Variants in IPO11 observed in about 807,000 individuals in gnomAD.
The protein encoded by IPO11 is importin-11.
In IPO11, 66 loss-of-function variants were observed where a neutral mutation model predicts 143.2. That is an observed-to-expected ratio of 0.46 (90% CI 0.38 to 0.57). The LOEUF (loss-of-function observed/expected upper bound fraction) is 0.57. Among genes scored for constraint, IPO11 ranks in the 20% least tolerant of loss-of-function variants. The probability of loss-of-function intolerance (pLI) is 0.00; values close to 1 mark genes in which losing one functional copy is unlikely to be tolerated. For missense variants in IPO11, 1,026 were observed against 1,141.0 expected (o/e 0.90, Z 1.45); for synonymous variants, 385 against 377.8 (o/e 1.02, Z -0.22).
chr5:62,568,677 A>G (rs1346733790), intron 27 of IPO11, among the ~76,000 whole-genome samples: 1 of 152,034 alleles, frequency 6.6e-6, no homozygotes, highest in Admixed American at 6.6e-5. Flanking sequence ...AGCTTCCTCA[A>G]AAAAGCTATT....
Position 62,561,286 on chromosome 5 carries a change from T to A in IPO11, c.2582+29T>A. 5.8e-6 allele frequency: 7 copies of A among 1,214,102 alleles called. 1 individual carries two copies. Among genetic ancestry groups the A allele is most frequent in the Non-Finnish European group, 8.0e-6 (7 of 875,970 alleles). 75.2% of individuals were successfully genotyped at this position (1,214,102 alleles called of 1,614,324 possible). On this transcript the variant is annotated intron_variant, in intron 27 of 29. Coordinates refer to ENST00000325324, the MANE Select transcript of IPO11 (RefSeq NM_016338.5). The stretch of plus-strand genomic sequence containing the variant: ...AGGAAATGTTTTCTTAAAATTTGTT[T>A]CTTTCAAGCATCAAAATGTAAACAC...
intron 5 of IPO11, among the ~76,000 whole-genome samples, chr5:62,465,467 T>A (rs1745539998): frequency 6.6e-6 from 1 of 152,224 alleles, no homozygotes; most frequent in African/African-American, 2.4e-5. Context: ...TTCCCTTCTA[T>A]CAGAGTGAAT....
chr5:62,416,729 ATT>A, intron 1 of IPO11, among the ~76,000 whole-genome samples: 1 of 117,604 alleles, frequency 8.5e-6, no homozygotes. Flanking sequence ...TTTTTTTTTT[ATT>A]TTTTTTTTTT....
chr5:62,431,983 C>G (rs565807474), intron 1 of IPO11, among the ~76,000 whole-genome samples: 1 of 146,826 alleles, frequency 6.8e-6, no homozygotes, highest in South Asian at 2.1e-4. Flanking sequence ...GGCATGCAGA[C>G]CTGTACCCTG....
At chr5:62,526,318 G>A in intron 21 of IPO11, 61 bp downstream of exon 21, 2 of 1,192,510 alleles carry the variant, frequency 1.7e-6, no homozygotes, top group Admixed American at 1.8e-5. Context: ...CTACTCTCAT[G>A]CCAGTAAAGT....
chr5:62,454,105 A>T (rs2112166399), intron 5 of IPO11, among the ~76,000 whole-genome samples: 1 of 152,318 alleles, frequency 6.6e-6, no homozygotes, highest in South Asian at 2.1e-4. Flanking sequence ...ACTGCACTCC[A>T]GCCTGGGTGA....
chr5:62,413,700 C>T (rs2112082704), intron 1 of IPO11, among the ~76,000 whole-genome samples: 1 of 152,264 alleles, frequency 6.6e-6, no homozygotes, highest in African/African-American at 2.4e-5. Flanking sequence ...AGTTGTAGCG[C>T]GGTAGTGCCC....
At chr5:62,492,656 A>C (rs1580243413) in intron 15 of IPO11, among the ~76,000 whole-genome samples, 2 of 152,092 alleles carry the variant, frequency 1.3e-5, no homozygotes, top group South Asian at 2.1e-4. Flanking sequence ...TGATCCTCCC[A>C]CCTCTGCCTC....
chr5:62,598,478 C>T (rs1561380766), intron 28 of IPO11, among the ~76,000 whole-genome samples: 8 of 4,724 alleles, frequency 1.7e-3, no homozygotes, highest in Admixed American at 3.9e-3. Flanking sequence ...CTCTCTCTCT[C>T]TCTCTCTCTC....
intron 20 of IPO11, among the ~76,000 whole-genome samples, chr5:62,525,838 G>GT (rs1161221136): frequency 6.6e-6 from 1 of 152,208 alleles, no homozygotes; most frequent in African/African-American, 2.4e-5. Flanking sequence ...TATGTCATCT[G>GT]TAGAGACAGG....
chr5:62,601,751 A>T lies in IPO11; in HGVS notation c.2679-13A>T. 2 of 1,454,708 alleles carry T rather than the reference A, an allele frequency of 1.4e-6. No homozygotes were observed. Among genetic ancestry groups the T allele is most frequent in the Non-Finnish European group, 1.8e-6 (2 of 1,086,506 alleles). The allele number at this position is 1,454,708 out of a possible 1,614,324, so 90.1% of individuals were successfully genotyped here. A position where few individuals can be genotyped will look rare whatever the true frequency, so the allele number is the denominator to read the frequency against. ...TTTTTATTTAAAACATGTTTTTTAA[A>T]AAATTATTATAGCTGTATGTTGATG... On this transcript the variant is annotated splice_polypyrimidine_tract_variant and intron_variant, in intron 28 of 29. Transcript: ENST00000325324.
At chr5:62,586,763 AAAAAAATATATATATATAT>A (rs1282041056) in intron 27 of IPO11, among the ~76,000 whole-genome samples, 5 of 90,574 alleles carry the variant, frequency 5.5e-5, no homozygotes, top group African/African-American at 1.6e-4. Context: ...AAAAAAAAAA[AAAAAAATATATATATATAT>A]ATATATATAT....
intron 29 of IPO11, among the ~76,000 whole-genome samples, chr5:62,619,858 C>CA (rs746676766): frequency 1.1e-3 from 149 of 130,048 alleles, no homozygotes; most frequent in East Asian, 2.6e-3. Context: ...GACTCCACCT[C>CA]AAAAAAAAAA....
chr5:62,571,255 A>G (rs1049626145), intron 27 of IPO11, among the ~76,000 whole-genome samples: 1 of 152,112 alleles, frequency 6.6e-6, no homozygotes, highest in Non-Finnish European at 1.5e-5. Context: ...TTTTCATTAT[A>G]ATGGAAAGGA....
intron 28 of IPO11, among the ~76,000 whole-genome samples, chr5:62,596,739 GTCTC>G (rs1180684396): frequency 1.1e-5 from 1 of 92,328 alleles, no homozygotes; most frequent in African/African-American, 4.2e-5. Flanking sequence ...TCCTTAGGAA[GTCTC>G]TCTCTCTTCA....
At chr5:62,491,650 G>A (rs866247652) in intron 15 of IPO11, among the ~76,000 whole-genome samples, 9 of 151,262 alleles carry the variant, frequency 5.9e-5, no homozygotes, top group Non-Finnish European at 8.8e-5. Context: ...ATTGGGATAT[G>A]TAAAAATATT....
intron 3 of IPO11, among the ~76,000 whole-genome samples, chr5:62,445,808 T>C (rs1744700377): frequency 1.3e-5 from 2 of 152,190 alleles, no homozygotes; most frequent in African/African-American, 4.8e-5. Context: ...TTGTATTTAC[T>C]GTGGGTTTTT....
chr5:62,506,999 A>T (rs573625286), intron 19 of IPO11, among the ~76,000 whole-genome samples: 1 of 152,320 alleles, frequency 6.6e-6, no homozygotes, highest in South Asian at 2.1e-4. Context: ...TTACCCTTGG[A>T]TCTGCTGTTA....
chr5:62,429,493 C>G (rs1378130227), intron 1 of IPO11, among the ~76,000 whole-genome samples: 1 of 152,078 alleles, frequency 6.6e-6, no homozygotes, highest in Non-Finnish European at 1.5e-5. Flanking sequence ...TCTTGGCTCA[C>G]TGCAACCTCC....
Sources: allele counts gnomAD v4.1 joint callset (sites outside exome capture counted in the v4.1 genomes callset), GRCh38; gene constraint gnomAD v4.1.1; transcripts MANE v1.5; gene names NCBI Gene and HGNC (gene_info 2026-07-23, HGNC 2026-07-21).